The following USH2A variants were observed in gnomAD, a reference collection of about 807,000 sequenced individuals.
USH2A encodes the protein usherin, also known as Usher syndrome 2A (autosomal recessive, mild).
Under a neutral mutation model 538.9 loss-of-function variants are expected in USH2A, and 443 were observed. The ratio of observed to expected loss-of-function variants is 0.82; its 90% confidence interval spans 0.76 to 0.89. The LOEUF is 0.89. Ranked by LOEUF, USH2A falls within the 40% of genes least tolerant of loss-of-function variation. USH2A has a pLI of 0.00. For synonymous variants in USH2A, 2,413 were observed against 2,273.5 expected, an observed-to-expected ratio of 1.06 and a Z score of -1.75; for missense variants, 6,633 against 6,324.8, an observed-to-expected ratio of 1.05 and a Z score of -1.65.
intron 32 of USH2A, among the ~76,000 whole-genome samples, chr1:216,036,251 AT>A (rs2029948285): frequency 6.6e-6 from 1 of 152,136 alleles, no homozygotes. Flanking sequence ...TATCACATAT[AT>A]TAAAATTGGG....
chr1:215,783,321 T>C (rs1477300200), intron 52 of USH2A, among the ~76,000 whole-genome samples: 2 of 152,216 alleles, frequency 1.3e-5, no homozygotes, highest in Non-Finnish European at 2.9e-5. Flanking sequence ...ATAGAACTTA[T>C]AAATTATTGC....
At chr1:215,803,007 T>C (rs933952479) in intron 49 of USH2A, among the ~76,000 whole-genome samples, 1 of 152,222 alleles carries the variant, frequency 6.6e-6, no homozygotes, top group East Asian at 1.9e-4. Flanking sequence ...TAATCCAGCA[T>C]ATAAACAGAA....
At chr1:215,804,695 A>G (rs1378981625) in intron 49 of USH2A, among the ~76,000 whole-genome samples, 1 of 151,846 alleles carries the variant, frequency 6.6e-6, no homozygotes, top group African/African-American at 2.4e-5. Context: ...GGGACTGTAA[A>G]CTAGTTCAAC....
chr1:216,208,989 G>A (rs1032691543), intron 15 of USH2A, among the ~76,000 whole-genome samples: 1 of 152,148 alleles, frequency 6.6e-6, no homozygotes, highest in Non-Finnish European at 1.5e-5. Flanking sequence ...AAGGAAAGCA[G>A]GTGTTAAGCA....
At chr1:216,026,845 G>T (rs1668979332) in intron 32 of USH2A, among the ~76,000 whole-genome samples, 1 of 152,076 alleles carries the variant, frequency 6.6e-6, no homozygotes, top group South Asian at 2.1e-4. Flanking sequence ...CAAGCACCAG[G>T]TCAATTCATA....
intron 60 of USH2A, among the ~76,000 whole-genome samples, chr1:215,733,494 C>T (rs76686708): frequency 0.013 from 1,975 of 152,256 alleles, 42 homozygotes; most frequent in African/African-American, 0.045. Flanking sequence ...AATAGTTCCC[C>T]GAAGTTTTAA....
intron 32 of USH2A, among the ~76,000 whole-genome samples, chr1:216,014,502 T>G (rs1386205483): frequency 1.3e-5 from 2 of 152,172 alleles, no homozygotes; most frequent in Non-Finnish European, 2.9e-5. Flanking sequence ...CACAAATGGA[T>G]CAACGGATTC....
At chr1:215,796,575 C>T (rs574333812) in intron 50 of USH2A, among the ~76,000 whole-genome samples, 12 of 152,030 alleles carry the variant, frequency 7.9e-5, no homozygotes, top group Non-Finnish European at 7.4e-5. Context: ...TTTCACAGAC[C>T]AGCCGTTCCT....
chr1:216,051,674 C>T (rs1392639259), intron 30 of USH2A, among the ~76,000 whole-genome samples: 1 of 152,168 alleles, frequency 6.6e-6, no homozygotes, highest in Non-Finnish European at 1.5e-5. Context: ...AAAGCAGCAC[C>T]CTTCATAGAT....
Position 215,650,853 on chromosome 1 carries a change from G to GAA in USH2A, c.14134-54_14134-53dup, listed in dbSNP as rs371744542. 8.7e-3 allele frequency: 10,669 copies of GAA among 1,220,128 alleles called. 30 individuals are homozygous for GAA. The highest frequency in any genetic ancestry group is 0.042 in the South Asian group (2,910 of 69,750). 75.6% of individuals were successfully genotyped at this position (1,220,128 alleles called of 1,614,324 possible). On this transcript the variant is annotated intron_variant, in intron 64 of 71. Transcript: ENST00000307340. ...CAAAAGCAAGATACCCTAAGGCTGG[G>GAA]AAAAAAAAAAAAAAAAGAAAGGAAA...
At chr1:215,962,868 T>C (rs1310545346) in intron 37 of USH2A, among the ~76,000 whole-genome samples, 1 of 152,084 alleles carries the variant, frequency 6.6e-6, no homozygotes, top group Non-Finnish European at 1.5e-5. Flanking sequence ...CCACTTCACT[T>C]GTTGTTACGA....
intron 34 of USH2A, among the ~76,000 whole-genome samples, chr1:215,993,693 AAAATT>A (rs2102477385): frequency 6.6e-6 from 1 of 152,372 alleles, no homozygotes; most frequent in Admixed American, 6.5e-5. Flanking sequence ...AACACCAAAT[AAAATT>A]AAATAAAACA....
At chr1:216,329,374 C>T (rs561969145) in intron 4 of USH2A, among the ~76,000 whole-genome samples, 1 of 152,232 alleles carries the variant, frequency 6.6e-6, no homozygotes, top group African/African-American at 2.4e-5. Flanking sequence ...ATGGACATGT[C>T]ATTCTTAGAA....
intron 51 of USH2A, 143 bp from the exon 52 acceptor site, chr1:215,787,017 A>T (rs1276973482): frequency 2.5e-6 from 2 of 788,496 alleles, no homozygotes; most frequent in Admixed American, 4.9e-5. Context: ...TATAAAAAGA[A>T]ATGAAGGCAG....
chr1:216,241,365 T>C (rs2035934066), intron 13 of USH2A, among the ~76,000 whole-genome samples: 1 of 152,176 alleles, frequency 6.6e-6, no homozygotes, highest in Non-Finnish European at 1.5e-5. Context: ...TACATTTTAT[T>C]TGGTTTTTTA....
chr1:215,834,781 T>A (rs1329243888), intron 47 of USH2A, among the ~76,000 whole-genome samples: 14 of 151,824 alleles, frequency 9.2e-5, no homozygotes, highest in African/African-American at 2.2e-4. Flanking sequence ...TTTTTTTTTT[T>A]AAATTTTCTC....
At position 215,799,101 on chromosome 1, in the gene USH2A, T is replaced by A; in HGVS notation, c.9764A>T (p.Gln3255Leu). 1 of 1,614,002 alleles carries A rather than the reference T, an allele frequency of 6.2e-7. No homozygotes were observed. The highest frequency in any genetic ancestry group is 8.5e-7 in the Non-Finnish European group (1 of 1,179,968). Reference sequence around the variant, plus strand: ...AATGCCAACAGAAACCCGATTGTGCTGTTCATCTGGACAGCATACTTCACC... The same window carrying A: ...AATGCCAACAGAAACCCGATTGTGCAGTTCATCTGGACAGCATACTTCACC... Reference protein sequence around the residue: ...LPGEVCCPDEQHNRVSVGIGD... With the variant: ...LPGEVCCPDELHNRVSVGIGD... The change falls in exon 50 of 72, where the codon CAG becomes CTG. Residue 3255 changes from glutamine to leucine, a missense_variant. Physicochemically the swap from Gln to Leu is moderately radical, Grantham distance 113 (BLOSUM62 -2). Coordinates refer to ENST00000307340, the MANE Select transcript of USH2A (RefSeq NM_206933.4).
intron 16 of USH2A, among the ~76,000 whole-genome samples, chr1:216,200,613 A>T (rs1195562140): frequency 3.3e-5 from 5 of 152,174 alleles, no homozygotes; most frequent in South Asian, 4.1e-4. Flanking sequence ...TAAGCTGCTA[A>T]ATTTTGGAGA....
intron 55 of USH2A, among the ~76,000 whole-genome samples, chr1:215,773,524 C>CTCTCTCTCTCTCTCTCTCTCTCTGTCTT (rs1558091711): frequency 4.0e-5 from 6 of 148,854 alleles, no homozygotes; most frequent in African/African-American, 1.5e-4. Flanking sequence ...CTCTCTCTCT[C>CTCTCTCTCTCTCTCTCTCTCTCTGTCTT]TCTCTCTCTG....
Sources: gnomAD v4.1 joint callset for allele counts (sites outside exome capture counted in the v4.1 genomes callset) on GRCh38, gnomAD v4.1.1 for gene constraint, MANE v1.5 for transcripts, NCBI Gene and HGNC (gene_info 2026-07-23, HGNC 2026-07-21) for gene names.